The following CRIM1 variants were observed in gnomAD, a reference collection of about 807,000 sequenced individuals.
CRIM1 encodes cysteine rich transmembrane BMP regulator 1.
A neutral mutation model predicts 116.4 loss-of-function variants in CRIM1; 32 were observed. The observed-to-expected ratio is 0.27, with a 90% confidence interval of 0.21 to 0.37. The LOEUF (loss-of-function observed/expected upper bound fraction) is 0.37, where lower values mean the gene tolerates loss of function less well. CRIM1 is among the 10% of genes least tolerant of loss of function. CRIM1 has a pLI of 1.00. For missense variants in CRIM1, 1,331 were observed against 1,354.8 expected (o/e 0.98, Z 0.28); for synonymous variants, 590 against 509.2 (o/e 1.16, Z -2.13).
At chr2:36,491,370 G>T (rs1680213499) in intron 7 of CRIM1, among the ~76,000 whole-genome samples, 1 of 152,096 alleles carries the variant, frequency 6.6e-6, no homozygotes, top group Non-Finnish European at 1.5e-5. Flanking sequence ...AGTGTGTCAG[G>T]TTTACAACAG....
chr2:36,421,559 C>T (rs1323676410), intron 2 of CRIM1, among the ~76,000 whole-genome samples: 2 of 152,122 alleles, frequency 1.3e-5, no homozygotes, highest in East Asian at 3.9e-4. Flanking sequence ...AAATATATTG[C>T]CCTAGCTTAC....
At chr2:36,528,437 TC>T (rs1368386727) in intron 13 of CRIM1, among the ~76,000 whole-genome samples, 1 of 152,242 alleles carries the variant, frequency 6.6e-6, no homozygotes, top group East Asian at 1.9e-4. Flanking sequence ...ACCACACTGT[TC>T]TTTCATACCT....
At position 36,517,513 on chromosome 2, in the gene CRIM1, C is replaced by A. The variant is rs768274198; in HGVS notation, c.2177C>A (p.Thr726Asn). The A allele has an allele frequency of 7.1e-5, 114 of 1,613,854 alleles. 1 individual carries two copies. The South Asian group carries it at 1.2e-3, about 17-fold the overall frequency. The change falls in exon 12 of 17, where the codon ACC becomes AAC. Residue 726 changes from threonine (T) to asparagine (N), a missense_variant. Physicochemically the swap from Thr to Asn is moderately conservative, Grantham distance 65 (BLOSUM62 0). This residue lies in a region of CRIM1 where 358 missense variants were observed against 436.1 expected (regional missense o/e 0.82). Transcript: ENST00000280527. ...CTGCTCTGCCAGAACCCCTCACGCA[C>A]CCAGGATTCCTGCTGCCCACAGTGT... ...PPLLCQNPSR[T>N]QDSCCPQCTD... is the part of the protein sequence containing the mutation.
intron 5 of CRIM1, among the ~76,000 whole-genome samples, chr2:36,465,549 C>G (rs574547396): frequency 6.6e-6 from 1 of 152,340 alleles, no homozygotes; most frequent in South Asian, 2.1e-4. Flanking sequence ...CTCCTGCCCT[C>G]CCAAGGCAAG....
intron 2 of CRIM1, among the ~76,000 whole-genome samples, chr2:36,425,158 A>G (rs976058184): frequency 2.6e-5 from 4 of 152,184 alleles, no homozygotes; most frequent in Non-Finnish European, 5.9e-5. Context: ...GGGACTGGGT[A>G]TCATACTCAC....
chr2:36,413,618 T>C (rs977369205), intron 2 of CRIM1, among the ~76,000 whole-genome samples: 15 of 152,158 alleles, frequency 9.9e-5, no homozygotes, highest in African/African-American at 3.6e-4. Flanking sequence ...GCGTATAAAA[T>C]TAGATACCTA....
intron 2 of CRIM1, among the ~76,000 whole-genome samples, chr2:36,403,033 A>G (rs559874249): frequency 6.6e-6 from 1 of 152,208 alleles, no homozygotes; most frequent in Admixed American, 6.5e-5. Context: ...ATCTCTCCAG[A>G]AAAAGTTATA....
chr2:36,416,340 G>A (rs1673619256), intron 2 of CRIM1, among the ~76,000 whole-genome samples: 1 of 152,166 alleles, frequency 6.6e-6, no homozygotes, highest in African/African-American at 2.4e-5. Context: ...TAACTTTCAT[G>A]ATATGCTAAA....
chr2:36,443,621 C>G (rs1572743442), intron 4 of CRIM1, among the ~76,000 whole-genome samples: 1 of 152,314 alleles, frequency 6.6e-6, no homozygotes, highest in East Asian at 1.9e-4. Flanking sequence ...TCTTCTTCCT[C>G]AGTCCCAGTG....
rs184148095 is a variant in CRIM1, at chr2:36,413,672, G to A, written c.505+16885G>A. ...GATATGTACTAAAAATGCAGTCAGC[G>A]ATCTCTTATTTTGAGCTCATTGGCT... On this transcript the variant is annotated intron_variant, in intron 2 of 16. Transcript: ENST00000280527. Among the ~76,000 whole-genome samples the A allele has an allele frequency of 2.2e-4, 34 of 152,272 alleles. No homozygotes were observed. In the South Asian group the frequency reaches 2.5e-3, roughly 11 times the overall value.
At chr2:36,357,441 T>C (rs1049740599) in intron 1 of CRIM1, among the ~76,000 whole-genome samples, 3 of 152,138 alleles carry the variant, frequency 2.0e-5, no homozygotes, top group Non-Finnish European at 2.9e-5. Context: ...CCAGCACGCA[T>C]TGTGCTCCGC....
intron 3 of CRIM1, among the ~76,000 whole-genome samples, chr2:36,441,996 G>A (rs899486897): frequency 8.5e-5 from 13 of 152,114 alleles, no homozygotes; most frequent in South Asian, 4.1e-4. Context: ...CAATTCCCCC[G>A]CATCTGCCCT....
At chr2:36,373,936 C>T (rs1670121550) in intron 1 of CRIM1, among the ~76,000 whole-genome samples, 1 of 152,130 alleles carries the variant, frequency 6.6e-6, no homozygotes, top group Non-Finnish European at 1.5e-5. Flanking sequence ...AAAAATCTGC[C>T]TCTGGCCATC....
intron 7 of CRIM1, among the ~76,000 whole-genome samples, chr2:36,495,398 T>G (rs764821398): frequency 2.0e-5 from 3 of 152,050 alleles, no homozygotes; most frequent in Non-Finnish European, 2.9e-5. Flanking sequence ...TTCAGAATGC[T>G]CTAACTTTTA....
intron 1 of CRIM1, among the ~76,000 whole-genome samples, chr2:36,389,499 A>G (rs938436243): frequency 1.1e-4 from 16 of 152,236 alleles, no homozygotes; most frequent in African/African-American, 3.1e-4. Context: ...TCTTCTGCCA[A>G]CAGAATTCCA....
chr2:36,515,820 G>A (rs1664999325), intron 11 of CRIM1, among the ~76,000 whole-genome samples: 1 of 152,252 alleles, frequency 6.6e-6, no homozygotes, highest in Non-Finnish European at 1.5e-5. Context: ...TAACAAGGCA[G>A]TAATTGTCAG....
At chr2:36,455,323 T>G (rs531585847) in intron 4 of CRIM1, among the ~76,000 whole-genome samples, 5 of 152,270 alleles carry the variant, frequency 3.3e-5, no homozygotes, top group African/African-American at 1.2e-4. Context: ...CTAACAGGTG[T>G]TGTGTGCTTC....
intron 2 of CRIM1, among the ~76,000 whole-genome samples, chr2:36,418,997 C>G (rs1169077130): frequency 6.6e-6 from 1 of 152,216 alleles, no homozygotes; most frequent in Non-Finnish European, 1.5e-5. Context: ...TTCCCCACTT[C>G]TCCTTCCTCT....
At chr2:36,536,883 C>A (rs1456508834) in intron 13 of CRIM1, among the ~76,000 whole-genome samples, 2 of 151,784 alleles carry the variant, frequency 1.3e-5, no homozygotes, top group Non-Finnish European at 2.9e-5. Flanking sequence ...TACGCAGCAT[C>A]CCTGGAAAAT....
Sources: allele counts gnomAD v4.1 joint callset (sites outside exome capture counted in the v4.1 genomes callset), GRCh38; gene constraint gnomAD v4.1.1; regional missense constraint gnomAD v4.1.1; transcripts MANE v1.5; gene names NCBI Gene and HGNC (gene_info 2026-07-23, HGNC 2026-07-21).